Variants in MYH15 observed in about 807,000 individuals in gnomAD.
MYH15 encodes the protein myosin-15.
In MYH15, 227 loss-of-function variants were observed where a neutral mutation model predicts 240.5. That is an observed-to-expected ratio of 0.94 (90% CI 0.85 to 1.05). The LOEUF (loss-of-function observed/expected upper bound fraction) is 1.05, where lower values mean the gene tolerates loss of function less well. Among genes scored for constraint, MYH15 ranks in the 50% least tolerant of loss-of-function variants. The probability of loss-of-function intolerance (pLI) is 0.00; values close to 1 mark genes in which losing one functional copy is unlikely to be tolerated. For missense variants in MYH15, 2,217 were observed against 2,247.5 expected (o/e 0.99, Z 0.27); for synonymous variants, 785 against 796.7 (o/e 0.99, Z 0.25).
chr3:108,529,190 T>C (rs368705088), intron 1 of MYH15: 114 of 1,436,632 alleles, frequency 7.9e-5, no homozygotes, highest in Non-Finnish European at 8.8e-5. Flanking sequence ...AAGAATAAAA[T>C]TCTAGGCTGC....
intron 35 of MYH15, among the ~76,000 whole-genome samples, chr3:108,395,840 A>G (rs1215195091): frequency 6.6e-6 from 1 of 152,088 alleles, no homozygotes; most frequent in Non-Finnish European, 1.5e-5. Flanking sequence ...TTGCTTGATA[A>G]TGTTCTAGTA....
chr3:108,534,741 C>T, the MYH15 span, among the ~76,000 whole-genome samples: 4 of 149,932 alleles, frequency 2.7e-5, no homozygotes, highest in East Asian at 2.0e-4. Context: ...ATTAGCTGGG[C>T]GTGGTGGGAT....
Position 108,391,904 on chromosome 3 carries a change from C to G in MYH15, c.5286G>C (p.Lys1762Asn). 1.2e-6 allele frequency: 2 copies of G among 1,614,080 alleles called. No individual in the cohort carries two copies. Among genetic ancestry groups the G allele is most frequent in the East Asian group, 4.5e-5 (2 of 44,886 alleles). The change falls in exon 37 of 41, where the codon AAG becomes AAC. Residue 1762 changes from lysine (K) to asparagine (N), a missense_variant. Transcript: ENST00000693548. ...IEAANLSEEL[K>N]KKQDTIAHLE... ...AGTGGGCAATGGTGTCTTGCTTCTT[C>G]TTCAGTTCTTCTGACAAGTTTGCTG...
At position 108,495,844 on chromosome 3, in the gene MYH15, G is replaced by A. The variant is rs770490422; in HGVS notation, c.647C>T (p.Ala216Val). 8 of 1,610,906 alleles carry A rather than the reference G, an allele frequency of 5.0e-6. No homozygotes were observed. Among genetic ancestry groups the A allele is most frequent in the African/African-American group, 4.0e-5 (3 of 74,780 alleles). ...QGALEDQIMQANTILEAFGNA... is the reference protein window; with the variant it reads ...QGALEDQIMQVNTILEAFGNA... ...TCCAAATGCTTCCAAGATAGTATTCGCTTGCATGATTTGATCTTCTAACGC... is the reference window on the plus strand; with the variant it reads ...TCCAAATGCTTCCAAGATAGTATTCACTTGCATGATTTGATCTTCTAACGC... Residue 216 changes from alanine (A) to valine (V), a missense_variant, in exon 7 of 41, where the codon GCG becomes GTG. Physicochemically the swap from Ala to Val is moderately conservative, Grantham distance 64 (BLOSUM62 0). Transcript: ENST00000693548.
At chr3:108,429,126 G>T (rs1298064527) in intron 26 of MYH15, among the ~76,000 whole-genome samples, 1 of 151,966 alleles carries the variant, frequency 6.6e-6, no homozygotes, top group Admixed American at 6.6e-5. Context: ...TAGATGGAGG[G>T]GAAAGCTTAG....
chr3:108,446,174 G>C (rs2082926148), intron 21 of MYH15, among the ~76,000 whole-genome samples: 1 of 152,154 alleles, frequency 6.6e-6, no homozygotes, highest in African/African-American at 2.4e-5. Context: ...GGGTGTTCCA[G>C]TAGATCCTAA....
chr3:108,487,051 T>C (rs1166262720), intron 9 of MYH15, among the ~76,000 whole-genome samples: 1 of 152,186 alleles, frequency 6.6e-6, no homozygotes, highest in African/African-American at 2.4e-5. Context: ...AGTCTGTCTT[T>C]CAAGGGATCC....
chr3:108,431,004 C>T lies in MYH15; in HGVS notation c.3222-82G>A, dbSNP rs553345180. 6.3e-6 allele frequency: 6 copies of T among 945,670 alleles called. No individual in the cohort carries two copies. The South Asian group carries it at 7.3e-5, about 11-fold the overall frequency. 58.6% of individuals were successfully genotyped at this position (945,670 alleles called of 1,614,324 possible). A position where few individuals can be genotyped will look rare whatever the true frequency, so the allele number is the denominator to read the frequency against. On this transcript the variant is annotated intron_variant, in intron 25 of 40. Transcript: ENST00000693548. ...GTAGTTAGAATTGTAATATTCCTAA[C>T]ACAAAGAAAAGATAAATGTTTGAGG...
chr3:108,523,956 CA>C (rs891567355), intron 1 of MYH15, among the ~76,000 whole-genome samples: 2 of 151,888 alleles, frequency 1.3e-5, no homozygotes, highest in African/African-American at 4.8e-5. Context: ...ATTTATTCAA[CA>C]ATTCCCCTAT....
chr3:108,417,473 TTGTAAGA>T (rs1450843810), intron 28 of MYH15, among the ~76,000 whole-genome samples: 2 of 152,154 alleles, frequency 1.3e-5, no homozygotes, highest in African/African-American at 4.8e-5. Flanking sequence ...ATTACCTCAC[TTGTAAGA>T]TGAAGATAAC....
chr3:108,479,694 G>GT (rs1441775644), intron 11 of MYH15, among the ~76,000 whole-genome samples: 2 of 152,132 alleles, frequency 1.3e-5, no homozygotes, highest in African/African-American at 2.4e-5. Context: ...ACCAGGTTTC[G>GT]TAAGTTTATT....
chr3:108,493,894 T>C (rs2083372360), intron 7 of MYH15, among the ~76,000 whole-genome samples: 1 of 152,208 alleles, frequency 6.6e-6, no homozygotes, highest in Non-Finnish European at 1.5e-5. Context: ...CTAATTTATG[T>C]TTCATAGCAC....
chr3:108,499,503 C>T, intron 4 of MYH15, 21 bp from the exon 5 acceptor site: 3 of 1,607,830 alleles, frequency 1.9e-6, no homozygotes, highest in East Asian at 2.2e-5. Context: ...AAGAAAAATG[C>T]CAGAATATTC....
rs1161717275 is a variant in MYH15 at position 108,476,445 on chromosome 3, T to C, written c.1185A>G (p.Arg395=). 1 of 1,613,346 alleles carries C rather than the reference T, an allele frequency of 6.2e-7. No homozygotes were observed. The highest frequency in any genetic ancestry group is 1.3e-5 in the African/African-American group (1 of 75,008). Residue 395 remains arginine (R), a synonymous_variant, in exon 12 of 41, where the codon AGA becomes AGG. Coordinates refer to ENST00000693548, the MANE Select transcript of MYH15 (RefSeq NM_014981.3). ...SELVKCLIHP[R]IKVGNEYVTR... The stretch of plus-strand genomic sequence containing the variant: ...TAACATATTCGTTACCAACTTTGAT[T>C]CTAGGATGGATCAAGCACTTTACCA...
Position 108,500,109 on chromosome 3 carries a change from G to C in MYH15, c.496+9C>G. The C allele has an allele frequency of 3.1e-6, 5 of 1,611,120 alleles. No individual in the cohort carries two copies. The highest frequency in any genetic ancestry group is 4.2e-6 in the Non-Finnish European group (5 of 1,178,890). On this transcript the variant is annotated intron_variant, in intron 4 of 40. Transcript: ENST00000693548. ...TTTTTACTTTTCATTTTGTAGGGCAGCTACTCACTGTGAAGCATGTCCTGA... is the reference window on the plus strand; with the variant it reads ...TTTTTACTTTTCATTTTGTAGGGCACCTACTCACTGTGAAGCATGTCCTGA...
intron 6 of MYH15, among the ~76,000 whole-genome samples, chr3:108,497,702 TAA>T (rs1314004911): frequency 3.3e-5 from 5 of 152,136 alleles, no homozygotes; most frequent in African/African-American, 7.2e-5. Flanking sequence ...TCACAGTAGC[TAA>T]AGGGATTCAG....
chr3:108,503,920 G>A (rs1316131100), intron 2 of MYH15, among the ~76,000 whole-genome samples: 4 of 152,128 alleles, frequency 2.6e-5, no homozygotes, highest in Admixed American at 6.5e-5. Flanking sequence ...ACTGATGAAT[G>A]GATGAACAAC....
rs1283287372 is a variant in MYH15 at position 108,442,239 on chromosome 3, T to TG, written c.2656-980dup. Among the ~76,000 whole-genome samples the TG allele has an allele frequency of 2.0e-5, 3 of 150,870 alleles. No individual in the cohort carries two copies. In the East Asian group the frequency reaches 5.8e-4, roughly 29 times the overall value. ...GCTAATTAGATCAAGAGTGGGGGGC[T>TG]GGGGGGAGGTAAAAATCCAGGCTAT... On this transcript the variant is annotated intron_variant, in intron 22 of 40. Transcript: ENST00000693548.
At chr3:108,476,775 A>G (rs1223515999) in intron 11 of MYH15, among the ~76,000 whole-genome samples, 3 of 152,160 alleles carry the variant, frequency 2.0e-5, no homozygotes, top group Non-Finnish European at 4.4e-5. Flanking sequence ...ATATAATGCC[A>G]CTCACAGCCA....
Sources: allele counts gnomAD v4.1 joint callset (sites outside exome capture counted in the v4.1 genomes callset), GRCh38; gene constraint gnomAD v4.1.1; transcripts MANE v1.5; gene names NCBI Gene and HGNC (gene_info 2026-07-23, HGNC 2026-07-21).